Variants in DST observed in about 807,000 individuals in gnomAD.
DST encodes bullous pemphigoid antigen.
In DST, 253 loss-of-function variants were observed where a neutral mutation model predicts 875.2. The observed-to-expected ratio is 0.29, with a 90% CI of 0.26 to 0.32. The LOEUF is 0.32. Among genes scored for constraint, DST ranks in the 10% least tolerant of loss-of-function variants. The pLI, the probability that DST is intolerant of heterozygous loss-of-function variation, is 1.00. For synonymous variants in DST, 3,124 were observed against 3,197.1 expected (o/e 0.98, Z 0.77); for missense variants, 8,287 against 9,111.6 (o/e 0.91, Z 3.68).
rs1290052061 is a variant in DST at position 56,625,242 on chromosome 6, G to C, written c.4745C>G (p.Thr1582Ser). The C allele has an allele frequency of 6.2e-7, 1 of 1,612,418 alleles. No individual in the cohort carries two copies. Among genetic ancestry groups the C allele is most frequent in the East Asian group, 2.2e-5 (1 of 44,800 alleles). The change falls in exon 35 of 104, where the codon ACC becomes AGC. Residue 1582 changes from threonine (T) to serine (S), a missense_variant. By Grantham distance (58) the Thr-to-Ser change is moderately conservative. Coordinates refer to ENST00000680361, the MANE Select transcript of DST (RefSeq NM_001374736.1). The stretch of plus-strand genomic sequence containing the variant: ...TTGTGAATCTACCATGGCCCGGTAG[G>C]TCATTGTTTGTAATTCATAGTCCTG... Reference protein sequence around the residue: ...TVKDYELQTMTYRAMVDSQQK... With the variant: ...TVKDYELQTMSYRAMVDSQQK...
rs1246798521 is a variant in DST at position 56,508,650 on chromosome 6, T to C, written c.19118A>G (p.Lys6373Arg). 1.2e-6 allele frequency: 2 copies of C among 1,613,852 alleles called. No individual in the cohort carries two copies. The highest frequency in any genetic ancestry group is 1.7e-5 in the Admixed American group (1 of 60,008). Residue 6373 changes from lysine (K) to arginine (R), a missense_variant, in exon 75 of 104, where the codon AAG becomes AGG. By Grantham distance (26) the Lys-to-Arg change is conservative. Around this residue, in one of 10 missense-constraint regions of DST, gnomAD observed 1,292 missense variants for 1,552.7 expected, o/e 0.83. Transcript: ENST00000680361. ...CAATGACATGTGATCACACCAGAAC[T>C]TTTCTGCTAGCTCCATCACATCCAG... ...KLLDVMELAE[K>R]FWCDHMSLIV... is the part of the protein sequence containing the mutation.
chr6:56,926,126 A>T (rs1370395978), intron 2 of DST, among the ~76,000 whole-genome samples: 2 of 150,520 alleles, frequency 1.3e-5, no homozygotes, highest in Admixed American at 6.6e-5. Flanking sequence ...TTCATATAGT[A>T]CAGGTGGATT....
intron 5 of DST, among the ~76,000 whole-genome samples, chr6:56,722,757 T>C (rs2099427521): frequency 6.6e-6 from 1 of 152,168 alleles, no homozygotes; most frequent in Admixed American, 6.5e-5. Context: ...ATTGTAGAAA[T>C]AAAAAGCGGC....
chr6:56,561,981 T>A (rs779404431), intron 56 of DST, among the ~76,000 whole-genome samples, 157 bp downstream of exon 56: 1 of 152,154 alleles, frequency 6.6e-6, no homozygotes, highest in South Asian at 2.1e-4. Context: ...AAATGTTATA[T>A]AAATATAATT....
chr6:56,886,727 G>A (rs1001683971), intron 3 of DST, among the ~76,000 whole-genome samples: 2 of 139,250 alleles, frequency 1.4e-5, no homozygotes, highest in South Asian at 2.3e-4. Context: ...GTGAGCCGGA[G>A]ATCGTGCCAT....
chr6:56,633,054 A>T lies in DST; in HGVS notation c.3622-17T>A. On this transcript the variant is annotated splice_polypyrimidine_tract_variant and intron_variant, in intron 27 of 103. Coordinates refer to ENST00000680361, the MANE Select transcript of DST (RefSeq NM_001374736.1). ...TGTCTTTATCTAAAGAAGACCAAAG[A>T]CCCATGTAATTCATTCTATTACTCA... 1 of 1,610,286 alleles carries T rather than the reference A, an allele frequency of 6.2e-7. No individual in the cohort carries two copies. The highest frequency in any genetic ancestry group is 2.2e-5 in the East Asian group (1 of 44,822).
intron 9 of DST, chr6:56,693,370 T>C (rs1489451253): frequency 2.7e-6 from 3 of 1,129,180 alleles, no homozygotes; most frequent in Non-Finnish European, 3.3e-6. Flanking sequence ...TTAGACACTG[T>C]GGCTTATTTC....
chr6:56,710,750 T>C (rs1327213945), intron 5 of DST, among the ~76,000 whole-genome samples: 7 of 152,242 alleles, frequency 4.6e-5, no homozygotes, highest in African/African-American at 1.7e-4. Context: ...ATTTCAGTAC[T>C]ACTTCTTCAG....
At chr6:56,524,687 A>C (rs2096766268) in intron 69 of DST, among the ~76,000 whole-genome samples, 1 of 152,138 alleles carries the variant, frequency 6.6e-6, no homozygotes. Flanking sequence ...AAATACACAC[A>C]TGAACAACCA....
At chr6:56,680,480 C>T (rs1216519274) in intron 9 of DST, among the ~76,000 whole-genome samples, 3 of 152,220 alleles carry the variant, frequency 2.0e-5, no homozygotes, top group Non-Finnish European at 4.4e-5. Context: ...ATGGAGCTTA[C>T]AGTCTAATGA....
chr6:56,721,064 GCCCCCCCCACC>G (rs1282809849), intron 5 of DST, among the ~76,000 whole-genome samples: 4 of 146,222 alleles, frequency 2.7e-5, no homozygotes, highest in Non-Finnish European at 6.0e-5. Context: ...GGGCAGGGGC[GCCCCCCCCACC>G]TCCCAGACGG....
chr6:56,929,365 A>G (rs1808939018), intron 2 of DST, among the ~76,000 whole-genome samples: 1 of 152,172 alleles, frequency 6.6e-6, no homozygotes, highest in African/African-American at 2.4e-5. Flanking sequence ...CGTTCAATAG[A>G]ATACTATGCA....
At chr6:56,615,018 A>G (rs769650358) in intron 36 of DST, 29 of 1,000,068 alleles carry the variant, frequency 2.9e-5, no homozygotes, top group Non-Finnish European at 3.2e-5. Context: ...AAAGAAGGTC[A>G]CTATATACAG....
intron 98 of DST, among the ~76,000 whole-genome samples, chr6:56,468,653 T>C (rs2094713368): frequency 6.6e-6 from 1 of 152,158 alleles, no homozygotes; most frequent in Non-Finnish European, 1.5e-5. Flanking sequence ...GAGAATCAAA[T>C]TTGTGTTCCA....
intron 72 of DST, among the ~76,000 whole-genome samples, chr6:56,513,933 A>C (rs1288439032): frequency 2.0e-5 from 3 of 152,160 alleles, no homozygotes; most frequent in African/African-American, 7.2e-5. Context: ...ATTTTCCCCC[A>C]AAATACATGG....
chr6:56,707,856 TTAAGCCATGCAAATC>T (rs1408739276), intron 5 of DST, among the ~76,000 whole-genome samples: 2 of 152,122 alleles, frequency 1.3e-5, no homozygotes, highest in African/African-American at 2.4e-5. Context: ...AATAATAATA[TTAAGCCATGCAAATC>T]TAAACTAGGA....
At chr6:56,798,732 T>C (rs542017644) in intron 4 of DST, among the ~76,000 whole-genome samples, 1 of 152,296 alleles carries the variant, frequency 6.6e-6, no homozygotes, top group East Asian at 1.9e-4. Flanking sequence ...GTAAATTCAA[T>C]TGAAAATATT....
At chr6:56,490,263 A>G (rs1420741313) in intron 85 of DST, among the ~76,000 whole-genome samples, 1 of 152,146 alleles carries the variant, frequency 6.6e-6, no homozygotes, top group Non-Finnish European at 1.5e-5. Flanking sequence ...TCTCTTTGGC[A>G]TCTATAACCT....
intron 63 of DST, among the ~76,000 whole-genome samples, chr6:56,533,203 T>C (rs1314374595): frequency 6.6e-6 from 1 of 152,224 alleles, no homozygotes; most frequent in Non-Finnish European, 1.5e-5. Flanking sequence ...AAATTCAATT[T>C]GATTCTAATT....
Sources: gnomAD v4.1 joint callset for allele counts (sites outside exome capture counted in the v4.1 genomes callset) on GRCh38, gnomAD v4.1.1 for gene constraint, gnomAD v4.1.1 regional missense constraint, MANE v1.5 for transcripts, NCBI Gene and HGNC (gene_info 2026-07-23, HGNC 2026-07-21) for gene names.